Variants in UBE2E2 observed in about 807,000 individuals in gnomAD.
The protein encoded by UBE2E2 is ubiquitin-conjugating enzyme E2 E2.
A neutral mutation model predicts 24.7 loss-of-function variants in UBE2E2; 6 were observed. The observed-to-expected ratio is 0.24, with a 90% CI of 0.13 to 0.48. The LOEUF (loss-of-function observed/expected upper bound fraction) is 0.48, where lower values mean the gene tolerates loss of function less well. Ranked by LOEUF, UBE2E2 falls within the 20% of genes least tolerant of loss-of-function variation. The pLI is 0.99. For synonymous variants in UBE2E2, 104 were observed against 83.6 expected (o/e 1.24, Z -1.33); for missense variants, 169 against 245.0 (o/e 0.69, Z 2.07).
chr3:23,239,319 T>G (rs1301973133), intron 3 of UBE2E2, among the ~76,000 whole-genome samples: 1 of 152,184 alleles, frequency 6.6e-6, no homozygotes, highest in East Asian at 1.9e-4. Context: ...TCTTTTAAAT[T>G]ATGCAATTCA....
intron 3 of UBE2E2, among the ~76,000 whole-genome samples, chr3:23,382,396 G>A (rs1198839779): frequency 2.6e-5 from 4 of 151,840 alleles, no homozygotes; most frequent in African/African-American, 9.7e-5. Flanking sequence ...TGGCCAGGCT[G>A]GTCTTGAACT....
chr3:23,413,707 G>A (rs1359841782), intron 3 of UBE2E2, among the ~76,000 whole-genome samples: 2 of 151,794 alleles, frequency 1.3e-5, no homozygotes, highest in African/African-American at 2.4e-5. Context: ...CTTTCCTAAC[G>A]TCATCCACTA....
chr3:23,395,123 T>C (rs760641711), intron 3 of UBE2E2, among the ~76,000 whole-genome samples: 1 of 152,166 alleles, frequency 6.6e-6, no homozygotes, highest in African/African-American at 2.4e-5. Context: ...CGGCTCTTTG[T>C]ATAGATGAAC....
chr3:23,556,454 T>TAAAAAAAA (rs5847239), intron 5 of UBE2E2, among the ~76,000 whole-genome samples: 4 of 94,334 alleles, frequency 4.2e-5, no homozygotes, highest in Admixed American at 1.0e-4. Flanking sequence ...AAAATTTATT[T>TAAAAAAAA]AAAAAAAAAA....
At chr3:23,378,766 A>C (rs530348020) in intron 3 of UBE2E2, among the ~76,000 whole-genome samples, 3 of 152,198 alleles carry the variant, frequency 2.0e-5, no homozygotes, top group Non-Finnish European at 4.4e-5. Context: ...ATAGGGAGAA[A>C]GTACAAATGT....
chr3:23,329,430 C>T (rs1009393185), intron 3 of UBE2E2, among the ~76,000 whole-genome samples: 7 of 152,156 alleles, frequency 4.6e-5, no homozygotes, highest in African/African-American at 1.7e-4. Context: ...GCCGAAGTAT[C>T]AAGACAGAAT....
chr3:23,366,381 C>G (rs34758087), intron 3 of UBE2E2, among the ~76,000 whole-genome samples: 1 of 152,040 alleles, frequency 6.6e-6, no homozygotes, highest in African/African-American at 2.4e-5. Flanking sequence ...GCACTATTCA[C>G]GATAGCAAAG....
At chr3:23,462,507 C>T (rs140309740) in intron 3 of UBE2E2, among the ~76,000 whole-genome samples, 45 of 152,182 alleles carry the variant, frequency 3.0e-4, no homozygotes, top group African/African-American at 1.0e-3. Context: ...CTATTCACGA[C>T]GAACCCTGAA....
Position 23,532,606 on chromosome 3 carries a change from T to C in UBE2E2, c.413T>C (p.Ile138Thr). 1 of 1,569,302 alleles carries C rather than the reference T, an allele frequency of 6.4e-7. No individual in the cohort carries two copies. Residue 138 changes from isoleucine (I) to threonine (T), a missense_variant, in exon 5 of 6, where the codon ATC becomes ACC. Transcript: ENST00000396703. ...TGTAATATTAACAGCCAAGGTGTGA[T>C]CTGTCTGGACATCTTAAAGGACAAC... ...YHCNINSQGV[I>T]CLDILKDNWS...
chr3:23,286,504 C>G (rs9861803), intron 3 of UBE2E2, among the ~76,000 whole-genome samples: 60,326 of 151,914 alleles, frequency 0.4, 12,550 homozygotes, highest in Admixed American at 0.53. Context: ...TTTCATTGGT[C>G]TGTGTGTCTG....
At chr3:23,343,435 G>C (rs577763234) in intron 3 of UBE2E2, among the ~76,000 whole-genome samples, 1 of 151,972 alleles carries the variant, frequency 6.6e-6, no homozygotes, top group South Asian at 2.1e-4. Flanking sequence ...AATTAGCTGG[G>C]TGTCGTGGCA....
chr3:23,580,842 C>T (rs1696460388), intron 5 of UBE2E2, among the ~76,000 whole-genome samples: 1 of 152,102 alleles, frequency 6.6e-6, no homozygotes, highest in Non-Finnish European at 1.5e-5. Context: ...AAGAGCAGGG[C>T]TTATTTTTTT....
At chr3:23,292,079 T>C (rs6769951) in intron 3 of UBE2E2, among the ~76,000 whole-genome samples, 12,210 of 151,886 alleles carry the variant, frequency 0.08, 664 homozygotes, top group Middle Eastern at 0.13. Context: ...AGGATGGTCT[T>C]GATCTCCTGA....
intron 3 of UBE2E2, among the ~76,000 whole-genome samples, chr3:23,470,413 G>A (rs73140523): frequency 0.16 from 23,725 of 152,140 alleles, 1,897 homozygotes; most frequent in East Asian, 0.23. Context: ...CTACCAGGTA[G>A]GAATCTAACC....
In UBE2E2 at chr3:23,506,057, AAAGAAGAAAGTTGAATGTGTTTCCCAG is replaced by A. The variant is rs11276620; in HGVS notation, c.360+6320_360+6346del. Among the ~76,000 whole-genome samples the A allele has an allele frequency of 8.8e-3, 1,341 of 152,288 alleles. 19 individuals carry two copies. Among genetic ancestry groups the A allele is most frequent in the African/African-American group, 0.03 (1,251 of 41,566 alleles). ...GTTTTTATTGTTAATGCTACTACTC[AAAGAAGAAAGTTGAATGTGTTTCCCAG>A]AATTTTCAGTAAGAGCAGTGATTTA... On this transcript the variant is annotated intron_variant, in intron 4 of 5. Coordinates refer to ENST00000396703, the MANE Select transcript of UBE2E2 (RefSeq NM_152653.4).
At chr3:23,305,193 G>A (rs1207930127) in intron 3 of UBE2E2, among the ~76,000 whole-genome samples, 1 of 152,134 alleles carries the variant, frequency 6.6e-6, no homozygotes, top group African/African-American at 2.4e-5. Context: ...ATTATTTTCA[G>A]AAGTATCAGC....
chr3:23,239,430 T>C (rs1697200987), intron 3 of UBE2E2, among the ~76,000 whole-genome samples: 1 of 152,088 alleles, frequency 6.6e-6, no homozygotes, highest in South Asian at 2.1e-4. Context: ...ATTAGCATTC[T>C]CCATTCCCCC....
chr3:23,347,400 G>A (rs148991673), intron 3 of UBE2E2, among the ~76,000 whole-genome samples: 4,389 of 152,288 alleles, frequency 0.029, 108 homozygotes, highest in East Asian at 0.13. Context: ...CATGTCCTTT[G>A]CAGGGACATG....
At chr3:23,204,907 A>G in intron 1 of UBE2E2, 3 of 259,596 alleles carry the variant, frequency 1.2e-5, no homozygotes, top group Non-Finnish European at 1.8e-5. Flanking sequence ...TTGCAGTTTT[A>G]TACTAGTAGA....
Sources: gnomAD v4.1 joint callset for allele counts (sites outside exome capture counted in the v4.1 genomes callset) on GRCh38, gnomAD v4.1.1 for gene constraint, MANE v1.5 for transcripts, NCBI Gene and HGNC (gene_info 2026-07-23, HGNC 2026-07-21) for gene names.